Variants in AGBL4 observed in about 807,000 individuals in gnomAD.
AGBL4 encodes the protein AGBL carboxypeptidase 4, also known as cytosolic carboxypeptidase 6.
A neutral mutation model predicts 66.4 loss-of-function variants in AGBL4; 58 were observed. That is an observed-to-expected ratio of 0.87 (90% CI 0.71 to 1.09). The LOEUF (loss-of-function observed/expected upper bound fraction) is 1.09. Ranked by LOEUF, AGBL4 falls within the 50% of genes least tolerant of loss-of-function variation. The probability of loss-of-function intolerance (pLI) is 0.00; values close to 1 mark genes in which losing one functional copy is unlikely to be tolerated. For missense variants in AGBL4, 579 were observed against 631.0 expected (o/e 0.92, Z 0.88); for synonymous variants, 234 against 222.9 (o/e 1.05, Z -0.44).
intron 3 of AGBL4, among the ~76,000 whole-genome samples, chr1:49,514,676 T>C (rs1316232253): frequency 2.0e-5 from 3 of 152,058 alleles, no homozygotes; most frequent in Admixed American, 6.5e-5. Context: ...ATGGTACTGG[T>C]ACCAAAACAG....
At chr1:48,863,320 T>C (rs559440269) in intron 6 of AGBL4, among the ~76,000 whole-genome samples, 1 of 151,866 alleles carries the variant, frequency 6.6e-6, no homozygotes, top group African/African-American at 2.4e-5. Context: ...AGGTAACATA[T>C]AAAAATGTTT....
chr1:48,729,351 G>A (rs897652018), intron 6 of AGBL4, among the ~76,000 whole-genome samples: 1 of 152,202 alleles, frequency 6.6e-6, no homozygotes, highest in African/African-American at 2.4e-5. Context: ...AAGAGGACTA[G>A]GGCGTGGGTG....
At chr1:49,907,777 CTG>C (rs1166878725) in intron 1 of AGBL4, among the ~76,000 whole-genome samples, 2 of 152,000 alleles carry the variant, frequency 1.3e-5, no homozygotes. Flanking sequence ...AACTCATAAA[CTG>C]TACAAAATCA....
At chr1:49,258,552 A>T (rs1481231557) in intron 3 of AGBL4, among the ~76,000 whole-genome samples, 2 of 152,162 alleles carry the variant, frequency 1.3e-5, no homozygotes, top group Non-Finnish European at 2.9e-5. Flanking sequence ...AAGAAAGGGT[A>T]TCAGTGATGG....
chr1:48,927,964 C>G (rs1312560448), intron 5 of AGBL4, among the ~76,000 whole-genome samples: 4 of 152,204 alleles, frequency 2.6e-5, no homozygotes, highest in Non-Finnish European at 5.9e-5. Context: ...AATGCTACCC[C>G]AGTTGGTCAG....
intron 1 of AGBL4, among the ~76,000 whole-genome samples, chr1:49,983,678 T>C (rs1659266653): frequency 6.6e-6 from 1 of 152,280 alleles, no homozygotes; most frequent in Non-Finnish European, 1.5e-5. Flanking sequence ...TTTAGGTTAA[T>C]CAGTACTTTG....
chr1:48,790,702 G>C (rs1645529080), intron 6 of AGBL4, among the ~76,000 whole-genome samples: 1 of 152,040 alleles, frequency 6.6e-6, no homozygotes, highest in African/African-American at 2.4e-5. Context: ...CATTTAAGAG[G>C]TGATTAGATC....
chr1:49,623,737 G>A (rs1230278494), intron 3 of AGBL4, among the ~76,000 whole-genome samples: 1 of 152,192 alleles, frequency 6.6e-6, no homozygotes, highest in Non-Finnish European at 1.5e-5. Context: ...GATTATGTAA[G>A]TGTCAATTAG....
intron 6 of AGBL4, among the ~76,000 whole-genome samples, chr1:48,752,285 G>A (rs539038423): frequency 3.9e-5 from 6 of 152,100 alleles, no homozygotes; most frequent in Admixed American, 2.0e-4. Context: ...AGATAAACAG[G>A]CCCCAAGAAG....
chr1:49,950,124 A>ATG (rs1302333559), intron 1 of AGBL4, among the ~76,000 whole-genome samples: 87 of 141,216 alleles, frequency 6.2e-4, no homozygotes, highest in African/African-American at 1.8e-3. Context: ...ATATACACAT[A>ATG]TGTGTATATA....
chr1:49,769,093 C>A (rs949093602), intron 2 of AGBL4, among the ~76,000 whole-genome samples: 1 of 152,046 alleles, frequency 6.6e-6, no homozygotes, highest in Non-Finnish European at 1.5e-5. Context: ...GTGATCTGCC[C>A]ACCTCGGCCT....
At chr1:48,825,369 T>C (rs971929771) in intron 6 of AGBL4, among the ~76,000 whole-genome samples, 1 of 152,172 alleles carries the variant, frequency 6.6e-6, no homozygotes, top group African/African-American at 2.4e-5. Context: ...AGGGTCAATT[T>C]AAATATCCCA....
chr1:49,878,730 T>A (rs1647111297), intron 1 of AGBL4, among the ~76,000 whole-genome samples: 1 of 150,682 alleles, frequency 6.6e-6, no homozygotes, highest in Non-Finnish European at 1.5e-5. Context: ...ACTTTCTGTC[T>A]CGTTGATCTG....
At chr1:49,623,033 C>G (rs1043752950) in intron 3 of AGBL4, among the ~76,000 whole-genome samples, 5 of 152,144 alleles carry the variant, frequency 3.3e-5, no homozygotes, top group African/African-American at 1.2e-4. Flanking sequence ...CTCTCTCTCT[C>G]AAATTAGATT....
At chr1:49,322,646 A>T (rs1645151005) in intron 3 of AGBL4, among the ~76,000 whole-genome samples, 1 of 152,230 alleles carries the variant, frequency 6.6e-6, no homozygotes, top group Non-Finnish European at 1.5e-5. Context: ...GTGACCAAAA[A>T]GCTAAAGAAG....
At chr1:49,793,131 TA>T (rs1644643593) in intron 2 of AGBL4, among the ~76,000 whole-genome samples, 1 of 152,050 alleles carries the variant, frequency 6.6e-6, no homozygotes, top group Non-Finnish European at 1.5e-5. Flanking sequence ...TAAATATTTT[TA>T]TGGACTATCT....
rs1014686848 is a variant in AGBL4 at position 49,995,390 on chromosome 1, T to C, written c.34+28373A>G. 1.2e-5 allele frequency: 5 copies of C among 426,882 alleles called. No homozygotes were observed. In the Admixed American group the frequency reaches 1.2e-4, roughly 11 times the overall value. 26.4% of individuals were successfully genotyped at this position (426,882 alleles called of 1,614,324 possible). A position where few individuals can be genotyped will look rare whatever the true frequency, so the allele number is the denominator to read the frequency against. On this transcript the variant is annotated intron_variant, in intron 1 of 13. Transcript: ENST00000371839. The stretch of plus-strand genomic sequence containing the variant: ...GTCACTGCGGCCTTTCCCACTTCCC[T>C]GGCCACCTGTATGATGCAGAAGAGG...
intron 6 of AGBL4, chr1:48,742,685 T>G (rs1650102574): frequency 6.2e-7 from 1 of 1,611,758 alleles, no homozygotes; most frequent in Non-Finnish European, 8.5e-7. Context: ...TAGGACGACG[T>G]ATTTGCTTCC....
intron 2 of AGBL4, among the ~76,000 whole-genome samples, chr1:49,777,790 C>T (rs1247489730): frequency 3.3e-5 from 5 of 152,150 alleles, no homozygotes; most frequent in Non-Finnish European, 7.3e-5. Context: ...TATTAGTAGA[C>T]ACTCTCCCCA....
Sources: gnomAD v4.1 joint callset for allele counts (sites outside exome capture counted in the v4.1 genomes callset) on GRCh38, gnomAD v4.1.1 for gene constraint, MANE v1.5 for transcripts, NCBI Gene and HGNC (gene_info 2026-07-23, HGNC 2026-07-21) for gene names.